TBCK: variants seen among roughly 807,000 people sequenced by gnomAD.
TBCK encodes TBC1 domain containing kinase.
TBCK carries 99 observed loss-of-function variants against 113.4 expected under a neutral mutation model. The observed-to-expected ratio is 0.87, with a 90% CI of 0.74 to 1.03. The LOEUF (loss-of-function observed/expected upper bound fraction) is 1.03, where lower values mean the gene tolerates loss of function less well. Among genes scored for constraint, TBCK ranks in the 50% least tolerant of loss-of-function variants. The probability of loss-of-function intolerance (pLI) is 0.00; values close to 1 mark genes in which losing one functional copy is unlikely to be tolerated. For missense variants in TBCK, 1,045 were observed against 1,061.3 expected (o/e 0.98, Z 0.21); for synonymous variants, 369 against 370.8 (o/e 1.00, Z 0.05).
At chr4:106,209,773 CCTGA>C (rs1378665531) in intron 20 of TBCK, among the ~76,000 whole-genome samples, 1 of 151,836 alleles carries the variant, frequency 6.6e-6, no homozygotes, top group Non-Finnish European at 1.5e-5. Context: ...TGGTTAATTG[CCTGA>C]CTTTTTTTTA....
At chr4:106,071,562 A>G (rs1737453788) in intron 25 of TBCK, among the ~76,000 whole-genome samples, 1 of 152,180 alleles carries the variant, frequency 6.6e-6, no homozygotes, top group Non-Finnish European at 1.5e-5. Flanking sequence ...TGCCAAGAAG[A>G]ATGTATATTC....
chr4:106,225,455 TG>T (rs1245349059), intron 19 of TBCK, among the ~76,000 whole-genome samples: 1 of 152,160 alleles, frequency 6.6e-6, no homozygotes, highest in Admixed American at 6.5e-5. Flanking sequence ...ACAGTCTTTT[TG>T]GTCTTTTTTT....
chr4:106,069,546 A>G (rs1578801431), intron 25 of TBCK, among the ~76,000 whole-genome samples: 2 of 152,200 alleles, frequency 1.3e-5, no homozygotes, highest in East Asian at 3.8e-4. Context: ...TGGTTACTGT[A>G]GCCTTGTAGT....
chr4:106,127,625 G>A (rs1281961121), intron 23 of TBCK, among the ~76,000 whole-genome samples: 1 of 152,150 alleles, frequency 6.6e-6, no homozygotes, highest in Admixed American at 6.6e-5. Flanking sequence ...ATAGGCCTAA[G>A]TACACCTGAA....
chr4:106,313,214 T>C (rs944525112), intron 1 of TBCK, among the ~76,000 whole-genome samples: 2 of 152,156 alleles, frequency 1.3e-5, no homozygotes, highest in African/African-American at 4.8e-5. Flanking sequence ...CAAGTTAAAG[T>C]GAGACTGGCA....
At chr4:106,180,055 C>T (rs1386779806) in intron 22 of TBCK, among the ~76,000 whole-genome samples, 1 of 151,840 alleles carries the variant, frequency 6.6e-6, no homozygotes, top group Non-Finnish European at 1.5e-5. Flanking sequence ...TGTACAGTTG[C>T]TTCAGCTCTC....
chr4:106,070,710 A>G (rs768902512), intron 25 of TBCK, among the ~76,000 whole-genome samples: 1 of 152,088 alleles, frequency 6.6e-6, no homozygotes, highest in Non-Finnish European at 1.5e-5. Context: ...ATAGTTTCAG[A>G]AGGAATGGTA....
At chr4:106,151,026 T>G (rs1174047475) in intron 23 of TBCK, among the ~76,000 whole-genome samples, 1 of 151,254 alleles carries the variant, frequency 6.6e-6, no homozygotes, top group African/African-American at 2.4e-5. Flanking sequence ...TATGTTTGCT[T>G]TTCAAAACTT....
intron 20 of TBCK, among the ~76,000 whole-genome samples, chr4:106,206,753 C>A (rs1755547322): frequency 6.6e-6 from 1 of 152,124 alleles, no homozygotes; most frequent in Non-Finnish European, 1.5e-5. Context: ...TATTTCTGAG[C>A]AGTTTAAACT....
chr4:106,158,657 T>TA (rs1467348468), intron 23 of TBCK, among the ~76,000 whole-genome samples: 4 of 151,958 alleles, frequency 2.6e-5, no homozygotes, highest in Non-Finnish European at 5.9e-5. Flanking sequence ...GAATCAGTAA[T>TA]AAAAAATCTC....
chr4:106,183,791 C>T lies in TBCK; in HGVS notation c.2059+9818G>A, dbSNP rs529629589. On this transcript the variant is annotated intron_variant, in intron 22 of 25. Transcript: ENST00000394708. ...TCTTGCTTTGCTTTTTTGTTCCAAA[C>T]ATAGTATTTTTCACAAGTCCCACTT... Among the ~76,000 whole-genome samples, 3 of 152,074 alleles carry T rather than the reference C, an allele frequency of 2.0e-5. No individual in the cohort carries two copies. In the South Asian group the frequency reaches 6.2e-4, roughly 31 times the overall value.
intron 5 of TBCK, among the ~76,000 whole-genome samples, chr4:106,252,984 T>C (rs1056075139): frequency 6.6e-6 from 1 of 152,110 alleles, no homozygotes; most frequent in Admixed American, 6.5e-5. Context: ...TAAATATGAA[T>C]AAGGCATAAA....
chr4:106,046,726 A>T (rs754940457), intron 25 of TBCK, 46 bp from the exon 26 acceptor site: 10 of 898,308 alleles, frequency 1.1e-5, no homozygotes, highest in Non-Finnish European at 1.8e-5. Flanking sequence ...TACAGAAGAC[A>T]TCTCCAACCT....
chr4:106,117,899 C>T (rs1743736961), intron 23 of TBCK, among the ~76,000 whole-genome samples: 1 of 151,746 alleles, frequency 6.6e-6, no homozygotes, highest in Admixed American at 6.6e-5. Flanking sequence ...GTCCCAGCTA[C>T]TTGGGAGGCT....
chr4:106,128,147 C>T (rs1745449109), intron 23 of TBCK, among the ~76,000 whole-genome samples: 2 of 152,112 alleles, frequency 1.3e-5, no homozygotes, highest in Non-Finnish European at 2.9e-5. Flanking sequence ...TTAAATATAG[C>T]TCATCAACTT....
intron 19 of TBCK, among the ~76,000 whole-genome samples, chr4:106,227,578 T>C (rs1444214543): frequency 2.6e-5 from 4 of 151,974 alleles, no homozygotes; most frequent in Admixed American, 6.6e-5. Context: ...AGATACAACA[T>C]CTAGTATTCC....
intron 12 of TBCK, 31 bp from the exon 13 acceptor site, chr4:106,236,839 TA>T: frequency 7.5e-7 from 1 of 1,333,850 alleles, no homozygotes; most frequent in Non-Finnish European, 1.0e-6. Context: ...TATTTATGTA[TA>T]AACATATTGG....
intron 5 of TBCK, among the ~76,000 whole-genome samples, chr4:106,257,302 T>G (rs1466739067): frequency 2.0e-5 from 3 of 152,146 alleles, no homozygotes; most frequent in Non-Finnish European, 4.4e-5. Flanking sequence ...TAAAACCAGT[T>G]AGATTAAATT....
chr4:106,282,903 C>T (rs1299582575), intron 3 of TBCK, among the ~76,000 whole-genome samples: 1 of 152,034 alleles, frequency 6.6e-6, no homozygotes, highest in African/African-American at 2.4e-5. Context: ...AAACAGATAC[C>T]TCAGTCCTAA....
Sources: allele counts gnomAD v4.1 joint callset (sites outside exome capture counted in the v4.1 genomes callset), GRCh38; gene constraint gnomAD v4.1.1; transcripts MANE v1.5; gene names NCBI Gene and HGNC (gene_info 2026-07-23, HGNC 2026-07-21).